EYS: variants seen among roughly 807,000 people sequenced by gnomAD.
EYS encodes protein eyes shut homolog.
In EYS, 250 loss-of-function variants were observed where a neutral mutation model predicts 282.1. The observed-to-expected ratio is 0.89, with a 90% CI of 0.80 to 0.98. EYS has a LOEUF of 0.98. Ranked by LOEUF, EYS falls within the 50% of genes least tolerant of loss-of-function variation. EYS has a pLI of 0.00. For missense variants in EYS, 4,016 were observed against 3,709.0 expected, an observed-to-expected ratio of 1.08 and a Z score of -2.15; for synonymous variants, 1,355 against 1,282.9, an observed-to-expected ratio of 1.06 and a Z score of -1.20.
At chr6:65,518,109 C>T (rs1470478124) in intron 2 of EYS, among the ~76,000 whole-genome samples, 2 of 151,974 alleles carry the variant, frequency 1.3e-5, no homozygotes, top group Non-Finnish European at 2.9e-5. Context: ...AATGAAGAAA[C>T]TGAGTCTCAG....
In EYS at chr6:63,863,663, CT is replaced by C. The variant is rs1436358110; in HGVS notation, c.7228+522del. On this transcript the variant is annotated intron_variant, in intron 36 of 42. Coordinates refer to ENST00000503581, the MANE Select transcript of EYS (RefSeq NM_001142800.2). ...TTTTTCTTTTCTTTTCTTTTCTTTT[CT>C]TTTCTTTTTTCTTTTTTTTTTTTTT... is the stretch of plus-strand genomic sequence containing the variant. Among the ~76,000 whole-genome samples the C allele has an allele frequency of 3.8e-4, 21 of 55,770 alleles. 1 individual carries two copies. Among genetic ancestry groups the C allele is most frequent in the East Asian group, 2.7e-3 (6 of 2,244 alleles). 36.6% of individuals were successfully genotyped at this position (55,770 alleles called of 152,430 possible). A position where few individuals can be genotyped will look rare whatever the true frequency, so the allele number is the denominator to read the frequency against.
intron 11 of EYS, among the ~76,000 whole-genome samples, chr6:65,312,862 A>AT (rs746083014): frequency 2.5e-4 from 38 of 152,208 alleles, no homozygotes; most frequent in Middle Eastern, 3.4e-3. Flanking sequence ...ATATATGCCA[A>AT]TCTCAAAGTT....
intron 22 of EYS, among the ~76,000 whole-genome samples, chr6:64,651,744 G>T (rs1203091222): frequency 6.6e-6 from 1 of 152,084 alleles, no homozygotes; most frequent in East Asian, 1.9e-4. Flanking sequence ...TGTTATAAGA[G>T]ATTTTATATA....
intron 33 of EYS, among the ~76,000 whole-genome samples, chr6:64,025,116 G>A (rs1033085095): frequency 6.6e-6 from 1 of 152,132 alleles, no homozygotes; most frequent in African/African-American, 2.4e-5. Context: ...GAATTCGGGG[G>A]CTAAATAACC....
intron 13 of EYS, among the ~76,000 whole-genome samples, chr6:65,026,916 C>CAAAAAAAAAAAAAAAAAAAAAA (rs1260312589): frequency 2.5e-4 from 27 of 107,816 alleles, no homozygotes; most frequent in East Asian, 6.0e-4. Flanking sequence ...GACTCCGTCT[C>CAAAAAAAAAAAAAAAAAAAAAA]AAAAAAAAAA....
rs1300737051 is a variant in EYS, at chr6:64,703,437, T to A, written c.3444-77192A>T. Among the ~76,000 whole-genome samples, 77 of 101,330 alleles carry A rather than the reference T, an allele frequency of 7.6e-4. 5 individuals are homozygous for A. The highest frequency in any genetic ancestry group is 2.5e-3 in the African/African-American group (75 of 29,968). 66.5% of individuals were successfully genotyped at this position (101,330 alleles called of 152,430 possible). A position where few individuals can be genotyped will look rare whatever the true frequency, so the allele number is the denominator to read the frequency against. On this transcript the variant is annotated intron_variant, in intron 22 of 42. Coordinates refer to ENST00000503581, the MANE Select transcript of EYS (RefSeq NM_001142800.2). ...TATATATATATATATATATTTTTTT[T>A]TTTTTTTTTTGAGATGGAGCCTTGC...
At chr6:64,809,794 G>A (rs1445719242) in intron 22 of EYS, among the ~76,000 whole-genome samples, 3 of 152,012 alleles carry the variant, frequency 2.0e-5, no homozygotes, top group African/African-American at 7.2e-5. Context: ...TCATAAAGGT[G>A]GGAACAACAG....
intron 19 of EYS, among the ~76,000 whole-genome samples, chr6:64,844,987 TAA>T (rs2150037428): frequency 6.6e-6 from 1 of 152,248 alleles, no homozygotes; most frequent in South Asian, 2.1e-4. Context: ...TTGTTCTTTA[TAA>T]AACACCTAAT....
At chr6:65,212,327 A>G (rs1352774717) in intron 12 of EYS, among the ~76,000 whole-genome samples, 5 of 152,110 alleles carry the variant, frequency 3.3e-5, no homozygotes, top group Admixed American at 3.3e-4. Flanking sequence ...GAAATTAAGA[A>G]TTGAAACAGA....
chr6:64,664,500 G>A (rs1475852875), intron 22 of EYS, among the ~76,000 whole-genome samples: 2 of 152,196 alleles, frequency 1.3e-5, no homozygotes, highest in Non-Finnish European at 2.9e-5. Context: ...AAGAGGGGAA[G>A]TGGGATATTT....
At chr6:64,331,228 C>T (rs549926619) in intron 29 of EYS, among the ~76,000 whole-genome samples, 2 of 152,060 alleles carry the variant, frequency 1.3e-5, no homozygotes, top group African/African-American at 4.8e-5. Context: ...CCCATGGAGC[C>T]ATATACAAGG....
At chr6:64,421,871 G>A (rs1242706923) in intron 28 of EYS, among the ~76,000 whole-genome samples, 7 of 149,774 alleles carry the variant, frequency 4.7e-5, no homozygotes, top group South Asian at 2.1e-4. Context: ...GTGTGTGTGT[G>A]TGTGTGTGTG....
intron 12 of EYS, among the ~76,000 whole-genome samples, chr6:65,125,042 C>A (rs926992661): frequency 6.6e-6 from 1 of 152,158 alleles, no homozygotes; most frequent in Admixed American, 6.5e-5. Flanking sequence ...AAAGCTTTAA[C>A]ACTTTGAACA....
intron 22 of EYS, among the ~76,000 whole-genome samples, chr6:64,723,626 C>T (rs139035427): frequency 6.1e-4 from 93 of 152,272 alleles, no homozygotes; most frequent in African/African-American, 2.1e-3. Flanking sequence ...TGTCATTATC[C>T]TTTATGTCTA....
At chr6:64,023,674 C>T (rs927643012) in intron 33 of EYS, among the ~76,000 whole-genome samples, 3 of 152,244 alleles carry the variant, frequency 2.0e-5, no homozygotes, top group Admixed American at 2.0e-4. Context: ...CCCACTTTGG[C>T]GGCACTTGGG....
intron 22 of EYS, among the ~76,000 whole-genome samples, chr6:64,676,783 A>G (rs1049926367): frequency 1.3e-5 from 2 of 152,090 alleles, no homozygotes; most frequent in African/African-American, 4.8e-5. Context: ...TTTTCACTGT[A>G]ACCTCTCATG....
At chr6:64,481,274 G>GTGTATATATATATATA (rs1461029125) in intron 26 of EYS, among the ~76,000 whole-genome samples, 8 of 140,626 alleles carry the variant, frequency 5.7e-5, no homozygotes, top group African/African-American at 1.6e-4. Flanking sequence ...GTGTGTGTGT[G>GTGTATATATATATATA]TATATATATA....
At chr6:64,042,971 G>T (rs574047256) in intron 33 of EYS, among the ~76,000 whole-genome samples, 21 of 152,174 alleles carry the variant, frequency 1.4e-4, no homozygotes, top group Admixed American at 7.8e-4. Flanking sequence ...CTAGTTAGCT[G>T]GGTGACCTTG....
chr6:64,194,793 T>G (rs889655456), intron 31 of EYS, among the ~76,000 whole-genome samples: 1 of 152,076 alleles, frequency 6.6e-6, no homozygotes, highest in African/African-American at 2.4e-5. Context: ...TGAGGTAATT[T>G]TTCTAATTGT....
Sources: allele counts gnomAD v4.1 joint callset (sites outside exome capture counted in the v4.1 genomes callset), GRCh38; gene constraint gnomAD v4.1.1; transcripts MANE v1.5; gene names NCBI Gene and HGNC (gene_info 2026-07-23, HGNC 2026-07-21).